Variants in SLC37A2 observed in about 807,000 individuals in gnomAD.
SLC37A2 encodes glucose-6-phosphate exchanger SLC37A2.
In SLC37A2, 59 loss-of-function variants were observed where a neutral mutation model predicts 70.7. That is an observed-to-expected ratio of 0.83 (90% CI 0.68 to 1.04). SLC37A2 has a LOEUF of 1.04. SLC37A2 is among the 50% of genes least tolerant of loss of function. The pLI, the probability that SLC37A2 is intolerant of heterozygous loss-of-function variation, is 0.00. For missense variants in SLC37A2, 580 were observed against 658.1 expected (o/e 0.88, Z 1.30); for synonymous variants, 257 against 262.1 (o/e 0.98, Z 0.19).
chr11:125,074,751 C>T (rs542646163), intron 1 of SLC37A2, among the ~76,000 whole-genome samples: 49 of 152,258 alleles, frequency 3.2e-4, no homozygotes, highest in Middle Eastern at 3.4e-3. Context: ...CACCAGGCTA[C>T]GGAGCCAGCA....
Position 125,063,486 on chromosome 11 carries a change from C to A in SLC37A2, c.59+60C>A. ...CTCCTGGGCTCGGGGCTTGCAGGGG[C>A]CGCGGGGGGCCTCGGAGATCACCCC... On this transcript the variant is annotated intron_variant, in intron 1 of 17. Coordinates refer to ENST00000403796, the MANE Select transcript of SLC37A2 (RefSeq NM_001145290.2). The surrounding 1 kb of genome is among the most constrained non-coding windows in gnomAD (Gnocchi z 5.4). 1 of 1,485,626 alleles carries A rather than the reference C, an allele frequency of 6.7e-7. No individual in the cohort carries two copies. The highest frequency in any genetic ancestry group is 9.2e-7 in the Non-Finnish European group (1 of 1,086,454). 92.0% of individuals were successfully genotyped at this position (1,485,626 alleles called of 1,614,324 possible).
At position 125,082,315 on chromosome 11, in the gene SLC37A2, C is replaced by T; in HGVS notation, c.957C>T (p.Pro319=). The T allele has an allele frequency of 8.1e-6, 13 of 1,613,920 alleles. No homozygotes were observed. Among genetic ancestry groups the T allele is most frequent in the Non-Finnish European group, 1.1e-5 (13 of 1,179,922 alleles). The change falls in exon 10 of 18, where the codon CCC becomes CCT. Residue 319 remains proline (P), a synonymous_variant. Transcript: ENST00000403796. Reference sequence around the variant, plus strand: ...GTTACACCTTCCTCTACTGGCTGCCCCTCTACATCGCCAATGTGGGTAAGT... The same window carrying T: ...GTTACACCTTCCTCTACTGGCTGCCTCTCTACATCGCCAATGTGGGTAAGT... ...LVSYTFLYWL[P]LYIANVAHFS... is the part of the protein sequence containing the mutation.
chr11:125,071,973 A>T (rs1949034160), intron 1 of SLC37A2, among the ~76,000 whole-genome samples: 1 of 151,806 alleles, frequency 6.6e-6, no homozygotes, highest in South Asian at 2.1e-4. Flanking sequence ...TACTGAATCC[A>T]TTTTCTCTGG....
In SLC37A2 at chr11:125,090,160, A is replaced by G. The variant is rs1283748688; in HGVS notation, c.*2026A>G. ...CCCATCGGCACTGTGTATCTAGCTCAAGGTTTATAAACACACCAATCAACA... is the reference window on the plus strand; with the variant it reads ...CCCATCGGCACTGTGTATCTAGCTCGAGGTTTATAAACACACCAATCAACA... On this transcript the variant is annotated 3_prime_UTR_variant, in exon 18 of 18. Coordinates refer to ENST00000403796, the MANE Select transcript of SLC37A2 (RefSeq NM_001145290.2). The G allele has an allele frequency of 1.3e-5, 2 of 152,102 alleles. No homozygotes were observed. Among genetic ancestry groups the G allele is most frequent in the African/African-American group, 4.8e-5 (2 of 41,400 alleles). 9.4% of individuals were successfully genotyped at this position (152,102 alleles called of 1,614,324 possible). A position where few individuals can be genotyped will look rare whatever the true frequency, so the allele number is the denominator to read the frequency against.
Position 125,085,944 on chromosome 11 carries a change from T to G in SLC37A2, c.1426-10T>G, listed in dbSNP as rs762939669. The G allele has an allele frequency of 1.4e-5, 22 of 1,613,822 alleles. No individual in the cohort carries two copies. In the South Asian group the frequency reaches 2.4e-4, roughly 18 times the overall value. On this transcript the variant is annotated splice_polypyrimidine_tract_variant and intron_variant, in intron 16 of 17. Transcript: ENST00000403796. The stretch of plus-strand genomic sequence containing the variant: ...TGCCCTCCCTTCCCTCTGTGCCTTG[T>G]GCTCCACAGCTCCTTTGCCGGTTAG...
rs1423581875 is a variant in SLC37A2, at chr11:125,080,540, TG to T, written c.528-70del. On this transcript the variant is annotated intron_variant, in intron 6 of 17. Coordinates refer to ENST00000403796, the MANE Select transcript of SLC37A2 (RefSeq NM_001145290.2). This position sits in a 1 kb window ranked among gnomAD's most constrained non-coding sequence, Gnocchi z 4.3. ...AGTCAGCCCAGCTTTAGAGCTTGGC[TG>T]GGGCAGTTGCTATGAACAATGTGCT... 1.5e-6 allele frequency: 2 copies of T among 1,335,786 alleles called. No homozygotes were observed. The highest frequency in any genetic ancestry group is 2.0e-6 in the Non-Finnish European group (2 of 1,022,144). The allele number at this position is 1,335,786 out of a possible 1,614,324, so 82.7% of individuals were successfully genotyped here.
chr11:125,078,873 A>C (rs1029173781), intron 4 of SLC37A2, among the ~76,000 whole-genome samples: 1 of 151,884 alleles, frequency 6.6e-6, no homozygotes, highest in African/African-American at 2.4e-5. Flanking sequence ...CGAGAGGAAA[A>C]CGCACGACAC....
Position 125,083,677 on chromosome 11 carries a change from C to A in SLC37A2, c.977-138C>A. On this transcript the variant is annotated intron_variant, in intron 10 of 17. Coordinates refer to ENST00000403796, the MANE Select transcript of SLC37A2 (RefSeq NM_001145290.2). The surrounding 1 kb of genome is among the most constrained non-coding windows in gnomAD (Gnocchi z 4.6). ...ATTCTCACCCTGTGGCCCTGGCCAG[C>A]CTGCTCCACAGGTCCCCAGCTCTTC... 1.3e-6 allele frequency: 1 copy of A among 746,890 alleles called. No individual in the cohort carries two copies. The highest frequency in any genetic ancestry group is 2.3e-6 in the Non-Finnish European group (1 of 434,052). 46.3% of individuals were successfully genotyped at this position (746,890 alleles called of 1,614,324 possible). A position where few individuals can be genotyped will look rare whatever the true frequency, so the allele number is the denominator to read the frequency against.
chr11:125,081,939 G>T (rs1211054690), intron 9 of SLC37A2, 33 bp downstream of exon 9: 1 of 1,566,124 alleles, frequency 6.4e-7, no homozygotes, highest in South Asian at 1.2e-5. Context: ...GAAAGAGAGG[G>T]GCTTTCCAGA....
chr11:125,064,716 T>C (rs940402764), intron 1 of SLC37A2, among the ~76,000 whole-genome samples: 6 of 152,226 alleles, frequency 3.9e-5, no homozygotes, highest in Non-Finnish European at 8.8e-5. Context: ...AATGAACCCA[T>C]GTTAAAGATT....
At chr11:125,075,836 C>T (rs1431657795) in intron 1 of SLC37A2, among the ~76,000 whole-genome samples, 3 of 152,126 alleles carry the variant, frequency 2.0e-5, no homozygotes, top group Admixed American at 2.0e-4. Context: ...CTTCAGGAGC[C>T]CTCCCACCCT....
chr11:125,080,101 T>C lies in SLC37A2; in HGVS notation c.527+341T>C, dbSNP rs1949130871. Among the ~76,000 whole-genome samples the C allele has an allele frequency of 6.6e-6, 1 of 152,198 alleles. No homozygotes were observed. The highest frequency in any genetic ancestry group is 2.4e-5 in the African/African-American group (1 of 41,444). On this transcript the variant is annotated intron_variant, in intron 6 of 17. Coordinates refer to ENST00000403796, the MANE Select transcript of SLC37A2 (RefSeq NM_001145290.2). This position sits in a 1 kb window ranked among gnomAD's most constrained non-coding sequence, Gnocchi z 4.3. ...CAAAGTTGCTTTGGAGAAGGAGTTCTCACCCTTGGCACTACTGACTTTCTG... is the reference window on the plus strand; with the variant it reads ...CAAAGTTGCTTTGGAGAAGGAGTTCCCACCCTTGGCACTACTGACTTTCTG...
At chr11:125,084,137 C>A (rs73625362) in intron 11 of SLC37A2, 97 bp from the exon 12 acceptor site, 1 of 1,373,078 alleles carries the variant, frequency 7.3e-7, no homozygotes, top group Non-Finnish European at 1.0e-6. Flanking sequence ...TTCTTGCTGA[C>A]AGGCCCAGGC....
At chr11:125,086,494 G>A (rs1029683242) in intron 17 of SLC37A2, 2 of 537,500 alleles carry the variant, frequency 3.7e-6, no homozygotes, top group East Asian at 3.3e-5. Context: ...CTTTGGACAT[G>A]CCCTCGGGGA....
chr11:125,066,749 A>T (rs993878904), intron 1 of SLC37A2, among the ~76,000 whole-genome samples: 79 of 152,182 alleles, frequency 5.2e-4, no homozygotes, highest in African/African-American at 1.8e-3. Context: ...ACAGAGAAAA[A>T]ATTTTAAGAT....
chr11:125,084,792 G>A (rs1010639699), intron 12 of SLC37A2, 33 bp from the exon 13 acceptor site: 25 of 1,610,270 alleles, frequency 1.6e-5, no homozygotes, highest in African/African-American at 2.7e-5. Context: ...AAGGGATTCC[G>A]GGTGACTCTG....
chr11:125,075,825 G>A (rs765248636), intron 1 of SLC37A2, among the ~76,000 whole-genome samples: 33 of 152,190 alleles, frequency 2.2e-4, no homozygotes, highest in Non-Finnish European at 4.4e-4. Flanking sequence ...GACAGAAAGG[G>A]CTTCAGGAGC....
chr11:125,072,281 G>A (rs112642581), intron 1 of SLC37A2, among the ~76,000 whole-genome samples: 7 of 152,290 alleles, frequency 4.6e-5, no homozygotes, highest in African/African-American at 1.2e-4. Context: ...AGGCTCCTTC[G>A]AAAGAGTAGG....
Position 125,088,051 on chromosome 11 carries a change from C to T in SLC37A2, c.1491-68C>T. The T allele has an allele frequency of 2.6e-6, 4 of 1,524,706 alleles. No individual in the cohort carries two copies. In the South Asian group the frequency reaches 4.8e-5, roughly 18 times the overall value. 94.4% of individuals were successfully genotyped at this position (1,524,706 alleles called of 1,614,324 possible). Reference sequence around the variant, plus strand: ...GACCCTGGGACCCTGCCTTTCCTCTCCCTACTCAGCAGGAGCTTATGAAGT... The same window carrying T: ...GACCCTGGGACCCTGCCTTTCCTCTTCCTACTCAGCAGGAGCTTATGAAGT... On this transcript the variant is annotated intron_variant, in intron 17 of 17. Transcript: ENST00000403796.
Sources: gnomAD v4.1 joint callset for allele counts (sites outside exome capture counted in the v4.1 genomes callset) on GRCh38, gnomAD v4.1.1 for gene constraint, Gnocchi (gnomAD v3.1) non-coding constraint, MANE v1.5 for transcripts, NCBI Gene and HGNC (gene_info 2026-07-23, HGNC 2026-07-21) for gene names.